The following ZBTB7C variants were observed in gnomAD, a reference collection of about 807,000 sequenced individuals.
The protein encoded by ZBTB7C is zinc finger and BTB domain-containing protein 7C.
Under a neutral mutation model 25.7 loss-of-function variants are expected in ZBTB7C, and 8 were observed. That is an observed-to-expected ratio of 0.31 (90% CI 0.18 to 0.56). The LOEUF (loss-of-function observed/expected upper bound fraction) is 0.56, where lower values mean the gene tolerates loss of function less well. ZBTB7C is among the 20% of genes least tolerant of loss of function. The pLI is 0.91. For synonymous variants in ZBTB7C, 394 were observed against 369.0 expected (o/e 1.07, Z -0.78); for missense variants, 824 against 855.2 (o/e 0.96, Z 0.46).
chr18:48,356,188 C>G (rs2046973756), intron 1 of ZBTB7C, among the ~76,000 whole-genome samples: 1 of 152,180 alleles, frequency 6.6e-6, no homozygotes, highest in African/African-American at 2.4e-5. Context: ...AGGGAAGGGG[C>G]AGGCATCATC....
At chr18:48,150,888 C>T (rs942247091) in intron 3 of ZBTB7C, 2 of 152,194 alleles carry the variant, frequency 1.3e-5, no homozygotes, top group African/African-American at 4.8e-5. Flanking sequence ...AGGACTGAAG[C>T]ATGGTGGCAT....
intron 2 of ZBTB7C, among the ~76,000 whole-genome samples, chr18:48,280,820 A>G (rs981978800): frequency 1.3e-5 from 2 of 149,266 alleles, no homozygotes; most frequent in African/African-American, 4.9e-5. Flanking sequence ...TTTAAGCACC[A>G]GCTTTCCTAG....
chr18:48,114,389 A>G (rs6507811), intron 3 of ZBTB7C, among the ~76,000 whole-genome samples: 100,954 of 151,824 alleles, frequency 0.66, 33,660 homozygotes, highest in Middle Eastern at 0.7. Context: ...ATCATTTGAG[A>G]TCAGGAGTTT....
chr18:48,394,262 C>T (rs1448034297), intron 1 of ZBTB7C, among the ~76,000 whole-genome samples: 1 of 152,170 alleles, frequency 6.6e-6, no homozygotes, highest in Non-Finnish European at 1.5e-5. Context: ...TTTGTTTGGT[C>T]AAATCAAGTG....
intron 3 of ZBTB7C, among the ~76,000 whole-genome samples, chr18:48,177,560 CGT>C (rs373052877): frequency 1.1e-4 from 16 of 151,738 alleles, no homozygotes; most frequent in East Asian, 1.9e-4. Context: ...AGGGTGTGTG[CGT>C]GTGTGTGTGT....
At chr18:48,156,335 C>T (rs11663169) in intron 3 of ZBTB7C, among the ~76,000 whole-genome samples, 11,484 of 152,126 alleles carry the variant, frequency 0.075, 445 homozygotes, top group Middle Eastern at 0.1. Flanking sequence ...CATGGAGCTC[C>T]GCTTTTTTGT....
chr18:48,118,000 TC>T (rs143854611), intron 3 of ZBTB7C, among the ~76,000 whole-genome samples: 36 of 142,786 alleles, frequency 2.5e-4, no homozygotes, highest in Non-Finnish European at 2.7e-4. Context: ...TTCTTCTTCT[TC>T]TTTTTTTTTT....
intron 3 of ZBTB7C, among the ~76,000 whole-genome samples, chr18:48,045,745 T>C (rs879545707): frequency 7.9e-5 from 12 of 151,872 alleles, no homozygotes; most frequent in Admixed American, 5.9e-4. Context: ...TATTTGACTC[T>C]GCCTTGAACT....
intron 2 of ZBTB7C, among the ~76,000 whole-genome samples, chr18:48,326,530 G>T (rs1044366498): frequency 6.6e-6 from 1 of 152,114 alleles, no homozygotes; most frequent in Non-Finnish European, 1.5e-5. Context: ...GACCCAAGTC[G>T]GTCCCTCCAT....
chr18:48,368,743 C>T (rs2047314225), intron 1 of ZBTB7C, among the ~76,000 whole-genome samples: 1 of 151,962 alleles, frequency 6.6e-6, no homozygotes, highest in Non-Finnish European at 1.5e-5. Context: ...AGGAGGACAG[C>T]AGGTTTCTCA....
At chr18:48,033,678 G>T (rs6507797) in intron 4 of ZBTB7C, among the ~76,000 whole-genome samples, 152,299 of 152,334 alleles carry the variant, frequency 1, 76,132 homozygotes, top group Middle Eastern at 1. Context: ...CCCAGTAAGT[G>T]ACACTATTAG....
At chr18:48,346,518 C>T (rs528561493) in intron 1 of ZBTB7C, 8 of 152,474 alleles carry the variant, frequency 5.2e-5, no homozygotes, top group South Asian at 4.1e-4. Flanking sequence ...AGGTGCCAGG[C>T]TTTAGCCATT....
In ZBTB7C at chr18:48,027,885, C is replaced by T. The variant is rs2035577331; in HGVS notation, c.*1375G>A. The T allele has an allele frequency of 6.6e-6, 1 of 152,208 alleles. No homozygotes were observed. 9.4% of individuals were successfully genotyped at this position (152,208 alleles called of 1,614,324 possible). ...GCCAGCAGAGCCTTCCTTTTCAGGA[C>T]CTGCTGCAAATTCAAGAACCAGGAG... On this transcript the variant is annotated 3_prime_UTR_variant, in exon 5 of 5. Coordinates refer to ENST00000590800, the MANE Select transcript of ZBTB7C (RefSeq NM_001318841.2).
chr18:48,094,181 G>A (rs1223031538), intron 3 of ZBTB7C, among the ~76,000 whole-genome samples: 2 of 152,220 alleles, frequency 1.3e-5, no homozygotes, highest in Non-Finnish European at 2.9e-5. Context: ...AAGTCAGATG[G>A]TACTGACCTG....
intron 2 of ZBTB7C, among the ~76,000 whole-genome samples, chr18:48,309,140 A>G (rs1031893875): frequency 6.6e-6 from 1 of 152,156 alleles, no homozygotes. Context: ...AAATCACTGG[A>G]GCCCCGCACT....
chr18:48,272,106 G>A (rs1028797644), intron 2 of ZBTB7C, among the ~76,000 whole-genome samples: 2 of 152,218 alleles, frequency 1.3e-5, no homozygotes, highest in African/African-American at 2.4e-5. Flanking sequence ...GTGATGCCCA[G>A]ATAGCTGGTA....
Position 48,376,471 on chromosome 18 carries a change from G to A in ZBTB7C, c.-304+32755C>T, listed in dbSNP as rs193188687. ...TGGGGCACGATGTCTGAGGCCAAGGGAAGGTCTCCGGTTGCCTAAAATCAG... is the reference window on the plus strand; with the variant it reads ...TGGGGCACGATGTCTGAGGCCAAGGAAAGGTCTCCGGTTGCCTAAAATCAG... On this transcript the variant is annotated intron_variant, in intron 1 of 4. Coordinates refer to ENST00000590800, the MANE Select transcript of ZBTB7C (RefSeq NM_001318841.2). Among the ~76,000 whole-genome samples, 160 of 152,334 alleles carry A rather than the reference G, an allele frequency of 1.1e-3. 1 individual carries two copies. The highest frequency in any genetic ancestry group is 3.8e-3 in the African/African-American group (157 of 41,574).
At chr18:48,346,550 T>C (rs1230473578) in intron 1 of ZBTB7C, 1 of 152,284 alleles carries the variant, frequency 6.6e-6, no homozygotes, top group African/African-American at 2.4e-5. Context: ...GAGGCCCTTT[T>C]ACCTGACTTT....
intron 2 of ZBTB7C, among the ~76,000 whole-genome samples, chr18:48,270,826 G>A (rs72907496): frequency 8.2e-4 from 125 of 151,852 alleles, no homozygotes; most frequent in Middle Eastern, 6.8e-3. Context: ...TGGCACGCCC[G>A]GCCCTAAACC....
Sources: gnomAD v4.1 joint callset for allele counts (sites outside exome capture counted in the v4.1 genomes callset) on GRCh38, gnomAD v4.1.1 for gene constraint, MANE v1.5 for transcripts, NCBI Gene and HGNC (gene_info 2026-07-23, HGNC 2026-07-21) for gene names.